Variants in POPDC2 observed in about 807,000 individuals in gnomAD.
POPDC2 encodes popeye domain-containing protein 2.
A neutral mutation model predicts 30.5 loss-of-function variants in POPDC2; 24 were observed. That is an observed-to-expected ratio of 0.79 (90% confidence interval 0.57 to 1.11). The LOEUF (loss-of-function observed/expected upper bound fraction) is 1.11, where lower values mean the gene tolerates loss of function less well. POPDC2 is among the 50% of genes least tolerant of loss of function. The pLI, the probability that POPDC2 is intolerant of heterozygous loss-of-function variation, is 0.00. For synonymous variants in POPDC2, 185 were observed against 183.3 expected (o/e 1.01, Z -0.07); for missense variants, 409 against 447.0 (o/e 0.91, Z 0.77).
upstream of POPDC2, chr3:119,660,609 G>A (rs926019697): frequency 5.1e-6 from 3 of 586,842 alleles, no homozygotes; most frequent in African/African-American, 1.9e-5. Flanking sequence ...TACACTTCAT[G>A]GAGAATTTAA....
At chr3:119,657,096 G>A (rs971350122) in intron 1 of POPDC2, among the ~76,000 whole-genome samples, 1 of 152,216 alleles carries the variant, frequency 6.6e-6, no homozygotes, top group African/African-American at 2.4e-5. Flanking sequence ...TGAATTTTGA[G>A]GGATGCAAAG....
In POPDC2 at chr3:119,660,154, G is replaced by A. The variant is rs773028412; in HGVS notation, c.270C>T (p.Leu90=). ...GGCGGTATACCAGGTGTGCCAGCTGGAGCAGGCAGACCACAGCCAGCAGGA... is the reference window on the plus strand; with the variant it reads ...GGCGGTATACCAGGTGTGCCAGCTGAAGCAGGCAGACCACAGCCAGCAGGA... The part of the protein sequence containing the change: ...WSFLLAVVCL[L]QLAHLVYRLR... The change falls in exon 1 of 4, where the codon CTC becomes CTT. Residue 90 remains leucine, a synonymous_variant. Transcript: ENST00000493094. 4 of 1,614,198 alleles carry A rather than the reference G, an allele frequency of 2.5e-6. No homozygotes were observed. The highest frequency in any genetic ancestry group is 3.4e-6 in the Non-Finnish European group (4 of 1,180,032).
intron 2 of POPDC2, among the ~76,000 whole-genome samples, chr3:119,653,367 A>G (rs115615164): frequency 0.011 from 1,722 of 152,318 alleles, 26 homozygotes; most frequent in African/African-American, 0.038. Flanking sequence ...ATTGGCAGAG[A>G]TAAGAAGAGT....
At chr3:119,653,943 A>G (rs1317386984) in intron 2 of POPDC2, among the ~76,000 whole-genome samples, 1 of 152,174 alleles carries the variant, frequency 6.6e-6, no homozygotes, top group Admixed American at 6.5e-5. Context: ...TAGCATAAGT[A>G]AAAGGACTAG....
chr3:119,655,586 C>T (rs1177205797), intron 1 of POPDC2, among the ~76,000 whole-genome samples: 2 of 152,154 alleles, frequency 1.3e-5, no homozygotes, highest in Non-Finnish European at 2.9e-5. Context: ...TACATTTAAC[C>T]ACTTTGTAGA....
rs764835726 is a variant in POPDC2, at chr3:119,642,549, G to T, written c.*56C>A. 19 of 1,611,254 alleles carry T rather than the reference G, an allele frequency of 1.2e-5. No individual in the cohort carries two copies. The highest frequency in any genetic ancestry group is 1.4e-5 in the Non-Finnish European group (17 of 1,177,554). On this transcript the variant is annotated 3_prime_UTR_variant, in exon 4 of 4. Coordinates refer to ENST00000493094, the MANE Select transcript of POPDC2 (RefSeq NM_001369919.2). ...TATAACTTGAGAGTAGCTCTGGAGA[G>T]GAATTCTAGAAGCTGTGGAAAGAAA...
intron 2 of POPDC2, among the ~76,000 whole-genome samples, chr3:119,654,132 T>A (rs1403599386): frequency 6.6e-6 from 1 of 152,050 alleles, no homozygotes; most frequent in Non-Finnish European, 1.5e-5. Context: ...TTTAGGGAAG[T>A]ACTAGTGGTT....
chr3:119,651,605 T>A (rs1463592783), intron 2 of POPDC2, among the ~76,000 whole-genome samples: 1 of 152,120 alleles, frequency 6.6e-6, no homozygotes, highest in Non-Finnish European at 1.5e-5. Flanking sequence ...ATCTTGTATA[T>A]TGCAAAACAA....
intron 2 of POPDC2, among the ~76,000 whole-genome samples, chr3:119,650,021 T>C (rs2052791396): frequency 6.6e-6 from 1 of 152,192 alleles, no homozygotes; most frequent in Non-Finnish European, 1.5e-5. Context: ...TGAGAAAGAA[T>C]TCTGAAAATA....
chr3:119,648,709 A>G, intron 2 of POPDC2, 41 bp from the exon 3 acceptor site: 3 of 1,537,958 alleles, frequency 2.0e-6, no homozygotes, highest in Non-Finnish European at 2.6e-6. Flanking sequence ...TTTAAACTAG[A>G]AAATTTGTCC....
At chr3:119,653,645 T>A (rs1359501348) in intron 2 of POPDC2, among the ~76,000 whole-genome samples, 1 of 151,906 alleles carries the variant, frequency 6.6e-6, no homozygotes, top group African/African-American at 2.4e-5. Context: ...GCCCGGCTAA[T>A]TTTTTGTATT....
intron 1 of POPDC2, among the ~76,000 whole-genome samples, chr3:119,657,515 T>G (rs765253783): frequency 6.6e-6 from 1 of 152,120 alleles, no homozygotes; most frequent in South Asian, 2.1e-4. Flanking sequence ...AAAGTAAGGA[T>G]GAATAAATGA....
At chr3:119,649,621 T>G (rs2052787245) in intron 2 of POPDC2, among the ~76,000 whole-genome samples, 2 of 152,218 alleles carry the variant, frequency 1.3e-5, no homozygotes, top group Non-Finnish European at 2.9e-5. Context: ...TTTTTGTGGA[T>G]GGAGACAGTG....
chr3:119,650,286 T>G (rs958310575), intron 2 of POPDC2, among the ~76,000 whole-genome samples: 1 of 152,236 alleles, frequency 6.6e-6, no homozygotes, highest in Non-Finnish European at 1.5e-5. Context: ...AAAAATTCTT[T>G]TTCTCGAATT....
intron 3 of POPDC2, among the ~76,000 whole-genome samples, chr3:119,643,130 G>A (rs895972998): frequency 3.9e-5 from 6 of 152,210 alleles, no homozygotes; most frequent in Non-Finnish European, 8.8e-5. Context: ...ACTTTCAAGA[G>A]CAAGTTTTCC....
In POPDC2 at chr3:119,642,522, G is replaced by A; in HGVS notation, c.*83C>T. 1 of 1,613,378 alleles carries A rather than the reference G, an allele frequency of 6.2e-7. No homozygotes were observed. Among genetic ancestry groups the A allele is most frequent in the South Asian group, 1.1e-5 (1 of 91,060 alleles). ...TGGAGCCAAAGGGGCCTGTCCCCTG[G>A]ATATAACTTGAGAGTAGCTCTGGAG... On this transcript the variant is annotated 3_prime_UTR_variant, in exon 4 of 4. Coordinates refer to ENST00000493094, the MANE Select transcript of POPDC2 (RefSeq NM_001369919.2).
At chr3:119,659,347 G>T (rs899014722) in intron 1 of POPDC2, among the ~76,000 whole-genome samples, 1 of 152,080 alleles carries the variant, frequency 6.6e-6, no homozygotes. Flanking sequence ...TGGAAAGGTG[G>T]GCAAGGGGTA....
chr3:119,644,925 C>T (rs1462020151), intron 3 of POPDC2, among the ~76,000 whole-genome samples: 1 of 152,102 alleles, frequency 6.6e-6, no homozygotes, highest in Non-Finnish European at 1.5e-5. Flanking sequence ...AACACAATTT[C>T]AGAAAAAGAA....
chr3:119,648,690 C>T (rs531651302), intron 2 of POPDC2, 22 bp from the exon 3 acceptor site: 9 of 1,581,428 alleles, frequency 5.7e-6, no homozygotes, highest in East Asian at 2.2e-5. Flanking sequence ...CAGAAGCAGA[C>T]AATAAAAGTT....
Sources: allele counts gnomAD v4.1 joint callset (sites outside exome capture counted in the v4.1 genomes callset), GRCh38; gene constraint gnomAD v4.1.1; transcripts MANE v1.5; gene names NCBI Gene and HGNC (gene_info 2026-07-23, HGNC 2026-07-21).